The following GSDME variants were observed in gnomAD, a reference collection of about 807,000 sequenced individuals.
The protein encoded by GSDME is gasdermin-E.
GSDME carries 44 observed loss-of-function variants against 47.5 expected under a neutral mutation model. The ratio of observed to expected loss-of-function variants is 0.93; its 90% CI spans 0.73 to 1.19. The LOEUF is 1.19. GSDME is among the 50% of genes most tolerant of loss of function. The pLI is 0.00. For synonymous variants in GSDME, 258 were observed against 252.8 expected (o/e 1.02, Z -0.20); for missense variants, 663 against 604.2 (o/e 1.10, Z -1.02).
the GSDME span, among the ~76,000 whole-genome samples, chr7:24,782,236 G>T: frequency 1.6e-5 from 2 of 124,082 alleles, no homozygotes; most frequent in African/African-American, 3.2e-5. Flanking sequence ...CCCACAACAG[G>T]CCCCGGTGTG....
At chr7:24,773,171 T>G in the GSDME span, among the ~76,000 whole-genome samples, 58 of 152,320 alleles carry the variant, frequency 3.8e-4, no homozygotes, top group African/African-American at 1.4e-3. This position sits in a 1 kb window ranked among gnomAD's most constrained non-coding sequence, Gnocchi z 5.4. Flanking sequence ...AAAAAAAATG[T>G]TTTTCCATCT....
rs578005831 is a variant in GSDME at position 24,706,016 on chromosome 7, G to T, written c.1183+168C>A. The stretch of plus-strand genomic sequence containing the variant: ...AAGGCACAGACTCGAGACCGAAGGG[G>T]GGTTTCCCATCAGCCTCCCACCTCT... On this transcript the variant is annotated intron_variant, in intron 8 of 9. Coordinates refer to ENST00000645220, the MANE Select transcript of GSDME (RefSeq NM_001127453.2). 0.056 allele frequency: 45,858 copies of T among 812,474 alleles called. 1,695 individuals carry two copies. Among genetic ancestry groups the T allele is most frequent in the African/African-American group, 0.12 (7,141 of 59,212 alleles). The allele number at this position is 812,474 out of a possible 1,614,324, so 50.3% of individuals were successfully genotyped here. A position where few individuals can be genotyped will look rare whatever the true frequency, so the allele number is the denominator to read the frequency against.
chr7:24,722,869 G>C (rs1789840060), intron 3 of GSDME, among the ~76,000 whole-genome samples: 1 of 152,220 alleles, frequency 6.6e-6, no homozygotes, highest in Non-Finnish European at 1.5e-5. Context: ...TGAGACGCTT[G>C]CTGAGTCGCT....
At chr7:24,763,784 C>T in the GSDME span, among the ~76,000 whole-genome samples, 2 of 152,002 alleles carry the variant, frequency 1.3e-5, no homozygotes, top group Non-Finnish European at 1.5e-5. The surrounding 1 kb of genome is among the most constrained non-coding windows in gnomAD (Gnocchi z 4.3). Context: ...CTTTGTGCTC[C>T]GGAAAAAAAG....
At position 24,756,368 on chromosome 7, in the gene GSDME, A is replaced by T. The variant is rs1188187811; in HGVS notation, c.-20+1028T>A. On this transcript the variant is annotated intron_variant, in intron 1 of 9. Transcript: ENST00000645220. This position sits in a 1 kb window ranked among gnomAD's most constrained non-coding sequence, Gnocchi z 4.2. ...AGAGCGAGACCCTCTCTCAACAATA[A>T]CAAAGAACCTAGCCAAGGGACCGTG... 6.6e-6 allele frequency among the ~76,000 whole-genome samples: 1 copy of T among 152,132 alleles called. No homozygotes were observed. The highest frequency in any genetic ancestry group is 6.5e-5 in the Admixed American group (1 of 15,274).
the GSDME span, among the ~76,000 whole-genome samples, chr7:24,776,180 C>CAAAAAAAA: frequency 4.2e-5 from 3 of 70,696 alleles, no homozygotes; most frequent in Non-Finnish European, 5.4e-5. Flanking sequence ...AACTCCATCT[C>CAAAAAAAA]AAAAAAAAAA....
At chr7:24,770,970 C>T in the GSDME span, among the ~76,000 whole-genome samples, 1 of 149,858 alleles carries the variant, frequency 6.7e-6, no homozygotes, top group Non-Finnish European at 1.5e-5. This position sits in a 1 kb window ranked among gnomAD's most constrained non-coding sequence, Gnocchi z 4.6. Flanking sequence ...AGAGAGAGAA[C>T]CAGAAGCAAT....
intron 6 of GSDME, among the ~76,000 whole-genome samples, 190 bp downstream of exon 6, chr7:24,710,034 C>T (rs867791230): frequency 6.6e-6 from 1 of 152,184 alleles, no homozygotes; most frequent in African/African-American, 2.4e-5. Context: ...CACCCACAAC[C>T]TGGGGCTCCC....
At chr7:24,785,558 C>T in the GSDME span, among the ~76,000 whole-genome samples, 4 of 152,170 alleles carry the variant, frequency 2.6e-5, no homozygotes, top group African/African-American at 4.8e-5. Flanking sequence ...TGGGTTCAAG[C>T]GATTCCCCTG....
Position 24,702,820 on chromosome 7 carries a change from G to GCTAT in GSDME, c.1193_1196dup (p.Ser399ArgfsTer2), listed in dbSNP as rs757421220. ...AGCAAGTGCCCAGCAGAGCTGCTGC[G>GCTAT]CTATCTGGCATTTCTGCAGGAGAGA... On this transcript the variant is annotated stop_gained and frameshift_variant, in exon 9 of 10. Transcript: ENST00000645220. LOFTEE classifies it high-confidence loss of function. 180 of 1,612,994 alleles carry GCTAT rather than the reference G, an allele frequency of 1.1e-4. 1 individual carries two copies. In the East Asian group the frequency reaches 4.0e-3, roughly 36 times the overall value.
chr7:24,711,936 A>G (rs1789372607), intron 5 of GSDME, among the ~76,000 whole-genome samples: 1 of 152,230 alleles, frequency 6.6e-6, no homozygotes, highest in South Asian at 2.1e-4. Flanking sequence ...CTAAGCAGAA[A>G]CAGTAAATGA....
rs1273587039 is a variant in GSDME at position 24,737,068 on chromosome 7, TAAAC to T, written c.404+7490_404+7493del. Among the ~76,000 whole-genome samples, 9 of 152,048 alleles carry T rather than the reference TAAAC, an allele frequency of 5.9e-5. No homozygotes were observed. In the South Asian group the frequency reaches 1.7e-3, roughly 28 times the overall value. On this transcript the variant is annotated intron_variant, in intron 3 of 9. Transcript: ENST00000645220. The stretch of plus-strand genomic sequence containing the variant: ...ATCAAAAAAGTAGAAAAATTTCAAA[TAAAC>T]AATCTAACAATGCATCTTAAAGAAC...
chr7:24,789,172 G>A, the GSDME span, among the ~76,000 whole-genome samples: 1 of 152,148 alleles, frequency 6.6e-6, no homozygotes, highest in Non-Finnish European at 1.5e-5. Flanking sequence ...TATTGCAAAA[G>A]ACACAACTCA....
At position 24,703,018 on chromosome 7, in the gene GSDME, C is replaced by T. The variant is rs536437247; in HGVS notation, c.1184-185G>A. ...TGGGCAGCAAAGACCTTGTAGAAAA[C>T]AGATGTAGGAACCCAGCTGCCAGCT... On this transcript the variant is annotated intron_variant, in intron 8 of 9. Coordinates refer to ENST00000645220, the MANE Select transcript of GSDME (RefSeq NM_001127453.2). 1.0e-4 allele frequency: 58 copies of T among 557,478 alleles called. 2 individuals carry two copies. Among genetic ancestry groups the T allele is most frequent in the South Asian group, 9.1e-4 (55 of 60,124 alleles). 34.5% of individuals were successfully genotyped at this position (557,478 alleles called of 1,614,324 possible). A position where few individuals can be genotyped will look rare whatever the true frequency, so the allele number is the denominator to read the frequency against.
chr7:24,705,854 G>C lies in GSDME; in HGVS notation c.1183+330C>G. 1 of 418,642 alleles carries C rather than the reference G, an allele frequency of 2.4e-6. No homozygotes were observed. Among genetic ancestry groups the C allele is most frequent in the Non-Finnish European group, 4.5e-6 (1 of 222,188 alleles). The allele number at this position is 418,642 out of a possible 1,614,324, so 25.9% of individuals were successfully genotyped here. Reference sequence around the variant, plus strand: ...ATGAAAGTTGCTGCCACTCAGCTCTGCTGGGACTCCGGAGTGAACCACAGC... The same window carrying C: ...ATGAAAGTTGCTGCCACTCAGCTCTCCTGGGACTCCGGAGTGAACCACAGC... On this transcript the variant is annotated intron_variant, in intron 8 of 9. Transcript: ENST00000645220. The surrounding 1 kb of genome is among the most constrained non-coding windows in gnomAD (Gnocchi z 4.1).
chr7:24,735,479 G>A lies in GSDME; in HGVS notation c.404+9083C>T, dbSNP rs777407124. On this transcript the variant is annotated intron_variant, in intron 3 of 9. Coordinates refer to ENST00000645220, the MANE Select transcript of GSDME (RefSeq NM_001127453.2). The surrounding 1 kb of genome is among the most constrained non-coding windows in gnomAD (Gnocchi z 4.4). ...AATTAAAAATAGTAACTACAGGGCC[G>A]GGCACAGTGGCTCACGCCTGTAATC... Among the ~76,000 whole-genome samples, 8 of 152,060 alleles carry A rather than the reference G, an allele frequency of 5.3e-5. No homozygotes were observed. The highest frequency in any genetic ancestry group is 8.8e-5 in the Non-Finnish European group (6 of 68,016).
the GSDME span, among the ~76,000 whole-genome samples, chr7:24,770,986 G>C: frequency 6.6e-6 from 1 of 151,764 alleles, no homozygotes; most frequent in Admixed American, 6.6e-5. The surrounding 1 kb of genome is among the most constrained non-coding windows in gnomAD (Gnocchi z 4.6). Flanking sequence ...GCAATATTTA[G>C]AGCAACAATG....
At chr7:24,777,781 C>T in the GSDME span, among the ~76,000 whole-genome samples, 3 of 152,078 alleles carry the variant, frequency 2.0e-5, no homozygotes, top group South Asian at 6.2e-4. Flanking sequence ...AGTCCTAGTC[C>T]CAGCTACTCA....
At position 24,742,594 on chromosome 7, in the gene GSDME, G is replaced by A. The variant is rs1018513371; in HGVS notation, c.404+1968C>T. Among the ~76,000 whole-genome samples, 1 of 152,162 alleles carries A rather than the reference G, an allele frequency of 6.6e-6. No homozygotes were observed. The highest frequency in any genetic ancestry group is 2.4e-5 in the African/African-American group (1 of 41,426). On this transcript the variant is annotated intron_variant, in intron 3 of 9. Coordinates refer to ENST00000645220, the MANE Select transcript of GSDME (RefSeq NM_001127453.2). The surrounding 1 kb of genome is among the most constrained non-coding windows in gnomAD (Gnocchi z 4.4). The stretch of plus-strand genomic sequence containing the variant: ...CCTTTTAGCAAGAGCTTTTACACCT[G>A]AATCATGGTGTTTAAAAACCTATAT...
Sources: allele counts gnomAD v4.1 joint callset (sites outside exome capture counted in the v4.1 genomes callset), GRCh38; gene constraint gnomAD v4.1.1; non-coding constraint Gnocchi (gnomAD v3.1); transcripts MANE v1.5; gene names NCBI Gene and HGNC (gene_info 2026-07-23, HGNC 2026-07-21).